AKAP12: variants seen among roughly 807,000 people sequenced by gnomAD.
AKAP12 encodes the protein A-kinase anchoring protein 12.
Under a neutral mutation model 79.9 loss-of-function variants are expected in AKAP12, and 32 were observed. The observed-to-expected ratio is 0.40, with a 90% CI of 0.30 to 0.54. AKAP12 has a LOEUF of 0.54. Ranked by LOEUF, AKAP12 falls within the 20% of genes least tolerant of loss-of-function variation. The probability of loss-of-function intolerance (pLI) is 0.48; values close to 1 mark genes in which losing one functional copy is unlikely to be tolerated. For synonymous variants in AKAP12, 808 were observed against 857.0 expected (o/e 0.94, Z 1.00); for missense variants, 2,074 against 2,177.0 (o/e 0.95, Z 0.94).
intron 2 of AKAP12, among the ~76,000 whole-genome samples, chr6:151,281,638 A>G (rs1052727965): frequency 4.6e-5 from 7 of 152,266 alleles, no homozygotes; most frequent in East Asian, 1.9e-4. Flanking sequence ...GGGGCATTCT[A>G]TGTGAGGCTA....
chr6:151,313,872 A>G (rs939558573), intron 3 of AKAP12, among the ~76,000 whole-genome samples: 1 of 152,178 alleles, frequency 6.6e-6, no homozygotes, highest in African/African-American at 2.4e-5. Context: ...CCCATCTCCG[A>G]AATTCTGTGG....
intron 2 of AKAP12, among the ~76,000 whole-genome samples, chr6:151,274,530 C>T (rs1776254911): frequency 2.0e-5 from 3 of 152,098 alleles, no homozygotes; most frequent in African/African-American, 7.2e-5. Flanking sequence ...TGAAGAAAGT[C>T]ATGAATTAAA....
At chr6:151,309,031 C>T (rs1208897545) in intron 3 of AKAP12, among the ~76,000 whole-genome samples, 2 of 152,064 alleles carry the variant, frequency 1.3e-5, no homozygotes, top group Admixed American at 6.6e-5. Flanking sequence ...TGCACCACCA[C>T]GCCTGGCTAA....
In AKAP12 at chr6:151,294,944, T is replaced by A. The variant is rs571576689; in HGVS notation, c.163-10803T>A. Among the ~76,000 whole-genome samples, 12 of 152,296 alleles carry A rather than the reference T, an allele frequency of 7.9e-5. 2 individuals carry two copies. In the East Asian group the frequency reaches 2.3e-3, roughly 29 times the overall value. On this transcript the variant is annotated intron_variant, in intron 2 of 4. Coordinates refer to ENST00000402676, the MANE Select transcript of AKAP12 (RefSeq NM_005100.4). ...TTAGAAAATGCAGTGATTTCCTCCTTAGTGGTTCAGAATGCACATTAAAGA... is the reference window on the plus strand; with the variant it reads ...TTAGAAAATGCAGTGATTTCCTCCTAAGTGGTTCAGAATGCACATTAAAGA...
rs3734794 is a variant in AKAP12, at chr6:151,356,223, C to T, written c.*509C>T. The stretch of plus-strand genomic sequence containing the variant: ...CTTTAAGCCTCAGTTATATAACCCA[C>T]GAAAAACAGAGCCTCCTAGATGTAA... On this transcript the variant is annotated 3_prime_UTR_variant, in exon 5 of 5. Transcript: ENST00000402676. 5,719 of 152,562 alleles carry T rather than the reference C, an allele frequency of 0.037. 193 individuals carry two copies. The highest frequency in any genetic ancestry group is 0.13 in the East Asian group (684 of 5,172). The allele number at this position is 152,562 out of a possible 1,614,324, so 9.5% of individuals were successfully genotyped here.
chr6:151,334,229 T>G (rs1203339541), intron 3 of AKAP12, among the ~76,000 whole-genome samples: 2 of 152,188 alleles, frequency 1.3e-5, no homozygotes, highest in Non-Finnish European at 2.9e-5. Context: ...TTTCTCCCCT[T>G]GAAATGTTGA....
chr6:151,282,750 G>C (rs777786633), intron 2 of AKAP12, among the ~76,000 whole-genome samples: 10 of 152,046 alleles, frequency 6.6e-5, no homozygotes, highest in Non-Finnish European at 1.5e-4. Context: ...CTTGTCTATT[G>C]GTTGAATAAT....
chr6:151,349,652 G>C lies in AKAP12; in HGVS notation c.1261G>C (p.Val421Leu). Residue 421 changes from valine to leucine, a missense_variant, in exon 4 of 5, where the codon GTC (valine) becomes CTC (leucine). Physicochemically the swap from Val to Leu is conservative, Grantham distance 32. Transcript: ENST00000402676. ...AGAAGAGGTTGTGGCCGAAGTCCAC[G>C]TCAGCACCGTGGAGGAGAGAACCGA... ...HQEEVVAEVHVSTVEERTEEQ... is the reference protein window; with the variant it reads ...HQEEVVAEVHLSTVEERTEEQ... The C allele has an allele frequency of 6.2e-7, 1 of 1,614,014 alleles. No individual in the cohort carries two copies. The highest frequency in any genetic ancestry group is 8.5e-7 in the Non-Finnish European group (1 of 1,180,002).
intron 2 of AKAP12, among the ~76,000 whole-genome samples, chr6:151,276,759 C>T (rs564770106): frequency 6.6e-6 from 1 of 152,256 alleles, no homozygotes; most frequent in African/African-American, 2.4e-5. Context: ...TAGCAAGTCA[C>T]TGATTGTGCT....
At chr6:151,302,471 A>G (rs1776883318) in intron 2 of AKAP12, among the ~76,000 whole-genome samples, 2 of 152,250 alleles carry the variant, frequency 1.3e-5, no homozygotes, top group Admixed American at 6.5e-5. Flanking sequence ...TAACATTTCT[A>G]AAAGAGTAGA....
chr6:151,347,243 C>T lies in AKAP12; in HGVS notation c.320-1468C>T, dbSNP rs572480065. Among the ~76,000 whole-genome samples the T allele has an allele frequency of 2.0e-4, 31 of 152,354 alleles. No individual in the cohort carries two copies. The South Asian group carries it at 6.0e-3, about 30-fold the overall frequency. On this transcript the variant is annotated intron_variant, in intron 3 of 4. Coordinates refer to ENST00000402676, the MANE Select transcript of AKAP12 (RefSeq NM_005100.4). ...TTACAACAAAATATTCTTCATACGTCCTCTGACCCAGCCTGGAATTTCTCC... is the reference window on the plus strand; with the variant it reads ...TTACAACAAAATATTCTTCATACGTTCTCTGACCCAGCCTGGAATTTCTCC...
intron 2 of AKAP12, among the ~76,000 whole-genome samples, chr6:151,291,408 G>T (rs1029545298): frequency 3.3e-5 from 5 of 152,154 alleles, no homozygotes; most frequent in African/African-American, 1.2e-4. Context: ...ACTGTCCTGG[G>T]CTATGCCAGA....
Position 151,350,210 on chromosome 6 carries a change from G to A in AKAP12, c.1819G>A (p.Val607Ile), listed in dbSNP as rs748598860. 19 of 1,613,852 alleles carry A rather than the reference G, an allele frequency of 1.2e-5. No homozygotes were observed. The highest frequency in any genetic ancestry group is 1.4e-5 in the Non-Finnish European group (17 of 1,179,984). Residue 607 changes from valine to isoleucine, a missense_variant, in exon 4 of 5, where the codon GTC becomes ATC. Transcript: ENST00000402676. This position sits in a 1 kb window ranked among gnomAD's most constrained non-coding sequence, Gnocchi z 4.8. ...TSDGEKKREG[V>I]TPWASFKKMV... ...CGATGGAGAGAAAAAAAGAGAAGGT[G>A]TCACTCCCTGGGCATCATTCAAAAA... is the stretch of plus-strand genomic sequence containing the variant.
intron 3 of AKAP12, among the ~76,000 whole-genome samples, chr6:151,316,114 G>T (rs1777227283): frequency 1.3e-5 from 2 of 152,142 alleles, no homozygotes; most frequent in Non-Finnish European, 2.9e-5. Flanking sequence ...TATATTCTCT[G>T]GGCTTAAAAT....
At position 151,351,189 on chromosome 6, in the gene AKAP12, C is replaced by G. The variant is rs746497821; in HGVS notation, c.2798C>G (p.Thr933Ser). 5.0e-6 allele frequency: 8 copies of G among 1,614,216 alleles called. No homozygotes were observed. Among genetic ancestry groups the G allele is most frequent in the Non-Finnish European group, 6.8e-6 (8 of 1,180,048 alleles). ...GTAGAAGCTGAAGCCGCACTGTTAACTGAGGAGGTATTGGAAAGAGAAGTA... is the reference window on the plus strand; with the variant it reads ...GTAGAAGCTGAAGCCGCACTGTTAAGTGAGGAGGTATTGGAAAGAGAAGTA... ...EQVEAEAALLTEEVLEREVIA... is the reference protein window; with the variant it reads ...EQVEAEAALLSEEVLEREVIA... Residue 933 changes from threonine (T) to serine (S), a missense_variant, in exon 4 of 5, where the codon ACT becomes AGT. By Grantham distance (58) the Thr-to-Ser change is moderately conservative. Around this residue, in one of 3 missense-constraint regions of AKAP12, gnomAD observed 1,428 missense variants for 1,451.0 expected, o/e 0.98. Transcript: ENST00000402676. This position sits in a 1 kb window ranked among gnomAD's most constrained non-coding sequence, Gnocchi z 4.4.
At position 151,244,359 on chromosome 6, in the gene AKAP12, C is replaced by T. The variant is rs1333267507; in HGVS notation, c.162+3635C>T. 2.0e-5 allele frequency among the ~76,000 whole-genome samples: 3 copies of T among 152,114 alleles called. No homozygotes were observed. In the East Asian group the frequency reaches 5.8e-4, roughly 29 times the overall value. On this transcript the variant is annotated intron_variant, in intron 2 of 4. Coordinates refer to ENST00000402676, the MANE Select transcript of AKAP12 (RefSeq NM_005100.4). ...CTAACACGGTGAAACCCCATCTCTA[C>T]TAAAAATACAAAAAATTAGCCAGGC...
rs1444669051 is a variant in AKAP12 at position 151,240,607 on chromosome 6, G to C, written c.45G>C (p.Pro15=). 1.4e-6 allele frequency: 2 copies of C among 1,410,092 alleles called. No individual in the cohort carries two copies. Among genetic ancestry groups the C allele is most frequent in the Non-Finnish European group, 1.8e-6 (2 of 1,085,974 alleles). The allele number at this position is 1,410,092 out of a possible 1,614,324, so 87.3% of individuals were successfully genotyped here. Residue 15 remains proline, a synonymous_variant, in exon 2 of 5, where the codon CCG becomes CCC. Coordinates refer to ENST00000402676, the MANE Select transcript of AKAP12 (RefSeq NM_005100.4). ...SSTEQRSPEQ[P]PEGSSTPAEP... is the part of the protein sequence containing the mutation. ...CCGAGCAGCGCAGCCCGGAGCAGCCGCCCGAGGGGAGCTCCACGCCGGCTG... is the reference window on the plus strand; with the variant it reads ...CCGAGCAGCGCAGCCCGGAGCAGCCCCCCGAGGGGAGCTCCACGCCGGCTG...
chr6:151,304,488 CAAAAAAAAAAAAAAAAAA>C (rs1157088954), intron 2 of AKAP12, among the ~76,000 whole-genome samples: 1 of 46,004 alleles, frequency 2.2e-5, no homozygotes, highest in Admixed American at 3.9e-4. Flanking sequence ...CACTCCATCT[CAAAAAAAAAAAAAAAAAA>C]AAAAAAAAAA....
intron 2 of AKAP12, 88 bp downstream of exon 2, chr6:151,240,812 A>C: frequency 1.0e-6 from 1 of 994,154 alleles, no homozygotes; most frequent in Non-Finnish European, 1.3e-6. Flanking sequence ...ATTTCCGCCG[A>C]GAGAACTTCC....
Sources: gnomAD v4.1 joint callset for allele counts (sites outside exome capture counted in the v4.1 genomes callset) on GRCh38, gnomAD v4.1.1 for gene constraint, gnomAD v4.1.1 regional missense constraint, Gnocchi (gnomAD v3.1) non-coding constraint, MANE v1.5 for transcripts, NCBI Gene and HGNC (gene_info 2026-07-23, HGNC 2026-07-21) for gene names.